The following CLYBL variants were observed in gnomAD, a reference collection of about 807,000 sequenced individuals.
CLYBL encodes citramalyl-CoA lyase, also known as citramalyl-CoA lyase, mitochondrial.
Under a neutral mutation model 38.9 loss-of-function variants are expected in CLYBL, and 31 were observed. That is an observed-to-expected ratio of 0.80 (90% CI 0.60 to 1.08). CLYBL has a LOEUF of 1.08. Among genes scored for constraint, CLYBL ranks in the 50% least tolerant of loss-of-function variants. The pLI, the probability that CLYBL is intolerant of heterozygous loss-of-function variation, is 0.00. For synonymous variants in CLYBL, 171 were observed against 158.6 expected (o/e 1.08, Z -0.59); for missense variants, 434 against 411.6 (o/e 1.05, Z -0.47).
At chr13:99,818,263 C>T (rs180995710) in intron 2 of CLYBL, among the ~76,000 whole-genome samples, 1 of 152,274 alleles carries the variant, frequency 6.6e-6, no homozygotes, top group Admixed American at 6.5e-5. Flanking sequence ...TACACTTTGG[C>T]TGATAGCATG....
At chr13:99,779,695 A>G (rs2049598731) in intron 2 of CLYBL, among the ~76,000 whole-genome samples, 1 of 152,226 alleles carries the variant, frequency 6.6e-6, no homozygotes, top group African/African-American at 2.4e-5. Context: ...GTGGCATGGT[A>G]AAGTTTCAGG....
In CLYBL at chr13:99,738,105, T is replaced by C. The variant is rs550109447; in HGVS notation, c.63-34719T>C. Among the ~76,000 whole-genome samples the C allele has an allele frequency of 6.6e-5, 10 of 152,314 alleles. No individual in the cohort carries two copies. In the East Asian group the frequency reaches 1.9e-3, roughly 29 times the overall value. On this transcript the variant is annotated intron_variant, in intron 1 of 8. Transcript: ENST00000339105. ...ATGTTCTGTAAGTGAGATGCAAAAATTCTTTAATTAAACCATGGTGGGTAT... is the reference window on the plus strand; with the variant it reads ...ATGTTCTGTAAGTGAGATGCAAAAACTCTTTAATTAAACCATGGTGGGTAT...
intron 7 of CLYBL, among the ~76,000 whole-genome samples, chr13:99,889,911 T>G (rs1237325359): frequency 6.6e-6 from 1 of 152,138 alleles, no homozygotes; most frequent in Non-Finnish European, 1.5e-5. Context: ...TGGACCATCA[T>G]CAATGTGCAT....
intron 1 of CLYBL, among the ~76,000 whole-genome samples, chr13:99,633,628 TG>T (rs2046980147): frequency 6.6e-6 from 1 of 151,938 alleles, no homozygotes; most frequent in African/African-American, 2.4e-5. Flanking sequence ...GATTGTTTAA[TG>T]CATATGGGGT....
intron 1 of CLYBL, among the ~76,000 whole-genome samples, chr13:99,766,267 A>G (rs58823114): frequency 0.058 from 8,868 of 152,186 alleles, 367 homozygotes; most frequent in African/African-American, 0.11. Context: ...TTTAGGCTCA[A>G]TGATTCTTAC....
At chr13:99,842,416 A>G (rs1195818110) in intron 2 of CLYBL, among the ~76,000 whole-genome samples, 1 of 152,208 alleles carries the variant, frequency 6.6e-6, no homozygotes, top group African/African-American at 2.4e-5. Flanking sequence ...CATTTTGGGT[A>G]GTGTGTCCTG....
Position 99,669,488 on chromosome 13 carries a change from T to C in CLYBL, c.62+62731T>C, listed in dbSNP as rs2047533442. Among the ~76,000 whole-genome samples, 5 of 152,276 alleles carry C rather than the reference T, an allele frequency of 3.3e-5. No homozygotes were observed. The South Asian group carries it at 1.0e-3, about 32-fold the overall frequency. On this transcript the variant is annotated intron_variant, in intron 1 of 8. Transcript: ENST00000339105. ...AGGTGGATGGGAGGGGAGGGTGTCA[T>C]AAGCCTTGAAAAAGTTAGATATTCC... is the stretch of plus-strand genomic sequence containing the variant.
chr13:99,609,601 A>G (rs960387237), intron 1 of CLYBL, among the ~76,000 whole-genome samples: 3 of 152,272 alleles, frequency 2.0e-5, no homozygotes, highest in South Asian at 2.1e-4. Flanking sequence ...CAGTGGTGCA[A>G]TCTGGGCTCA....
At chr13:99,744,089 C>T (rs1413886856) in intron 1 of CLYBL, among the ~76,000 whole-genome samples, 1 of 151,086 alleles carries the variant, frequency 6.6e-6, no homozygotes, top group Admixed American at 6.6e-5. Context: ...TCTCCTGCCT[C>T]AGCCTCCCGA....
intron 1 of CLYBL, among the ~76,000 whole-genome samples, chr13:99,684,939 C>T (rs1304929894): frequency 3.9e-5 from 6 of 152,206 alleles, no homozygotes; most frequent in Admixed American, 2.6e-4. Flanking sequence ...ATATATGTGA[C>T]CAATTGTTTG....
At chr13:99,786,273 T>C (rs1040222264) in intron 2 of CLYBL, among the ~76,000 whole-genome samples, 2 of 151,362 alleles carry the variant, frequency 1.3e-5, no homozygotes, top group Admixed American at 6.6e-5. Flanking sequence ...TTGTTACATA[T>C]GTATACCTGT....
intron 1 of CLYBL, among the ~76,000 whole-genome samples, chr13:99,770,076 C>CTTTTTTTTTTTTTTTTTTT (rs68172402): frequency 8.2e-6 from 1 of 121,962 alleles, no homozygotes. Flanking sequence ...TTTTTCTTTT[C>CTTTTTTTTTTTTTTTTTTT]TTTCTTTTTT....
intron 1 of CLYBL, among the ~76,000 whole-genome samples, chr13:99,755,955 C>T (rs2049055456): frequency 6.6e-6 from 1 of 152,234 alleles, no homozygotes; most frequent in South Asian, 2.1e-4. Flanking sequence ...CTTTCTCACT[C>T]TGCCTCCTAA....
rs1445772833 is a variant in CLYBL at position 99,849,982 on chromosome 13, T to C, written c.250-8879T>C. On this transcript the variant is annotated intron_variant, in intron 2 of 8. Coordinates refer to ENST00000339105, the MANE Select transcript of CLYBL (RefSeq NM_206808.5). This position sits in a 1 kb window ranked among gnomAD's most constrained non-coding sequence, Gnocchi z 4.9. ...CACGATCCCCCCAATCCACACCATA[T>C]ACAAATATATATACTCAAAATGTAT... Among the ~76,000 whole-genome samples, 2 of 152,220 alleles carry C rather than the reference T, an allele frequency of 1.3e-5. No individual in the cohort carries two copies. The highest frequency in any genetic ancestry group is 1.5e-5 in the Non-Finnish European group (1 of 68,046).
intron 4 of CLYBL, 145 bp from the exon 5 acceptor site, chr13:99,864,672 AG>A (rs1343195949): frequency 1.6e-6 from 1 of 643,172 alleles, no homozygotes; most frequent in Admixed American, 2.6e-5. Flanking sequence ...ACCTTTTGAA[AG>A]GGGTAAATTT....
At chr13:99,705,725 C>T (rs2806284) in intron 1 of CLYBL, among the ~76,000 whole-genome samples, 3 of 151,496 alleles carry the variant, frequency 2.0e-5, no homozygotes, top group Non-Finnish European at 4.4e-5. Flanking sequence ...CACAGAAATG[C>T]GAATGGTGGT....
chr13:99,606,820 C>T (rs2046531831), intron 1 of CLYBL, 63 bp downstream of exon 1: 6 of 1,312,232 alleles, frequency 4.6e-6, no homozygotes, highest in East Asian at 3.1e-5. Context: ...GCTCCTGTTG[C>T]AGCCCCGCGG....
intron 1 of CLYBL, among the ~76,000 whole-genome samples, chr13:99,625,867 C>T (rs2046862406): frequency 6.6e-6 from 1 of 152,226 alleles, no homozygotes; most frequent in African/African-American, 2.4e-5. Flanking sequence ...AAGGGAAGAA[C>T]ATTTCCTGAG....
intron 2 of CLYBL, among the ~76,000 whole-genome samples, chr13:99,825,794 G>A (rs755402498): frequency 3.9e-5 from 6 of 152,222 alleles, no homozygotes; most frequent in African/African-American, 7.2e-5. Flanking sequence ...TGCACTGGCC[G>A]TGATTGTAGT....
Sources: gnomAD v4.1 joint callset for allele counts (sites outside exome capture counted in the v4.1 genomes callset) on GRCh38, gnomAD v4.1.1 for gene constraint, Gnocchi (gnomAD v3.1) non-coding constraint, MANE v1.5 for transcripts, NCBI Gene and HGNC (gene_info 2026-07-23, HGNC 2026-07-21) for gene names.